Variants in MROH7 observed in about 807,000 individuals in gnomAD.
MROH7 encodes the protein maestro heat-like repeat-containing protein family member 7.
In MROH7, 113 loss-of-function variants were observed where a neutral mutation model predicts 129.2. The observed-to-expected ratio is 0.87, with a 90% CI of 0.75 to 1.02. MROH7 has a LOEUF of 1.02. Ranked by LOEUF, MROH7 falls within the 50% of genes least tolerant of loss-of-function variation. The pLI is 0.00. For synonymous variants in MROH7, 655 were observed against 667.9 expected, an observed-to-expected ratio of 0.98 and a Z score of 0.30; for missense variants, 1,601 against 1,671.3, an observed-to-expected ratio of 0.96 and a Z score of 0.73.
At position 54,653,520 on chromosome 1, in the gene MROH7, A is replaced by G. The variant is rs41297847; in HGVS notation, c.594A>G (p.Ser198=). ...VLGHCISRPS[S]KALLIPTSNS... ...GCCACTGCATCTCTAGGCCAAGCTC[A>G]AAAGCACTCCTTATTCCAACCTCAA... is the stretch of plus-strand genomic sequence containing the variant. The change falls in exon 3 of 24, where the codon TCA becomes TCG. Residue 198 remains serine (S), a synonymous_variant. Transcript: ENST00000421030. The G allele has an allele frequency of 2.2e-3, 3,573 of 1,614,156 alleles. 9 individuals carry two copies. Among genetic ancestry groups the G allele is most frequent in the Admixed American group, 2.8e-3 (170 of 60,018 alleles).
chr1:54,677,759 G>A (rs1645004714), intron 10 of MROH7, among the ~76,000 whole-genome samples: 1 of 152,208 alleles, frequency 6.6e-6, no homozygotes, highest in African/African-American at 2.4e-5. Context: ...CCTGAAATGT[G>A]CTCCCTTCAG....
Position 54,686,276 on chromosome 1 carries a change from G to A in MROH7, c.2539G>A (p.Glu847Lys), listed in dbSNP as rs775977299. The part of the protein sequence containing the change: ...VPLAAASGLC[E>K]LLSVNSCMGR... The stretch of plus-strand genomic sequence containing the variant: ...CCCATAGGCAGCCAGCGGCCTGTGC[G>A]AGCTCCTGTCCGTCAACAGCTGCAT... Residue 847 changes from glutamate (E) to lysine (K), a missense_variant, in exon 15 of 24, where the codon GAG (glutamate) becomes AAG (lysine). Coordinates refer to ENST00000421030, the MANE Select transcript of MROH7 (RefSeq NM_001039464.4). 5 of 1,613,726 alleles carry A rather than the reference G, an allele frequency of 3.1e-6. No individual in the cohort carries two copies. The highest frequency in any genetic ancestry group is 4.2e-6 in the Non-Finnish European group (5 of 1,179,868).
chr1:54,672,333 C>T (rs1215309676), intron 7 of MROH7, among the ~76,000 whole-genome samples: 1 of 151,824 alleles, frequency 6.6e-6, no homozygotes, highest in Non-Finnish European at 1.5e-5. Context: ...TGTGCAGACT[C>T]AGGGAGTCTA....
rs181962889 is a variant in MROH7, at chr1:54,692,099, G to T, written c.2712-325G>T. On this transcript the variant is annotated intron_variant, in intron 15 of 23. Transcript: ENST00000421030. ...AGTGTCCTGAGTTGGAGAAGGACTCGGCCCACATAGGAGACTGTGAGTGAG... is the reference window on the plus strand; with the variant it reads ...AGTGTCCTGAGTTGGAGAAGGACTCTGCCCACATAGGAGACTGTGAGTGAG... Among the ~76,000 whole-genome samples, 411 of 152,194 alleles carry T rather than the reference G, an allele frequency of 2.7e-3. 2 individuals carry two copies. Among genetic ancestry groups the T allele is most frequent in the Non-Finnish European group, 4.2e-3 (289 of 68,006 alleles).
intron 15 of MROH7, among the ~76,000 whole-genome samples, chr1:54,688,957 C>T (rs1645192756): frequency 6.6e-6 from 1 of 152,160 alleles, no homozygotes; most frequent in Non-Finnish European, 1.5e-5. Context: ...CACCTCACCT[C>T]AGTGTCTCAG....
chr1:54,653,278 CAG>C lies in MROH7; in HGVS notation c.353_354del (p.Gln118ArgfsTer14), dbSNP rs1319568383. ...DSKDVSRPDS[Q>X]GRLCPASNPI... ...CAAGGATGTCTCAAGGCCTGACTCACAGGGGCGCCTCTGTCCAGCCTCAAACC... is the reference window on the plus strand; with the variant it reads ...CAAGGATGTCTCAAGGCCTGACTCACGGGCGCCTCTGTCCAGCCTCAAACC... On this transcript the variant is annotated frameshift_variant, in exon 3 of 24. Transcript: ENST00000421030. LOFTEE classifies it high-confidence loss of function. The C allele has an allele frequency of 1.2e-6, 2 of 1,614,184 alleles. No individual in the cohort carries two copies. The highest frequency in any genetic ancestry group is 1.7e-6 in the Non-Finnish European group (2 of 1,180,034).
intron 5 of MROH7, 28 bp from the exon 6 acceptor site, chr1:54,670,469 A>T: frequency 1.2e-6 from 2 of 1,608,082 alleles, no homozygotes; most frequent in Non-Finnish European, 1.7e-6. Context: ...CCCTGTCCTC[A>T]TCGGCCCTTC....
chr1:54,682,325 C>T (rs1645083215), intron 13 of MROH7, among the ~76,000 whole-genome samples: 1 of 151,954 alleles, frequency 6.6e-6, no homozygotes, highest in Non-Finnish European at 1.5e-5. Context: ...CCACCATGCC[C>T]AGCTAATTTT....
In MROH7 at chr1:54,655,554, A is replaced by T. The variant is rs1569866473; in HGVS notation, c.1231+1397A>T. Reference sequence around the variant, plus strand: ...CCACACCTGAGTAATTTTATTTTTTATTTTTTGTAGAGATGGGGCCTTGCT... The same window carrying T: ...CCACACCTGAGTAATTTTATTTTTTTTTTTTTGTAGAGATGGGGCCTTGCT... On this transcript the variant is annotated intron_variant, in intron 3 of 23. Coordinates refer to ENST00000421030, the MANE Select transcript of MROH7 (RefSeq NM_001039464.4). 2.6e-5 allele frequency among the ~76,000 whole-genome samples: 4 copies of T among 150,994 alleles called. 1 individual carries two copies. The highest frequency in any genetic ancestry group is 2.6e-4 in the Admixed American group (4 of 15,128).
chr1:54,686,905 C>A (rs1239833994), intron 15 of MROH7, among the ~76,000 whole-genome samples: 1 of 152,162 alleles, frequency 6.6e-6, no homozygotes, highest in Non-Finnish European at 1.5e-5. Context: ...CATGCCCTCC[C>A]AGAGGAGGAT....
At chr1:54,706,712 C>T (rs780164596) in intron 22 of MROH7, among the ~76,000 whole-genome samples, 175 bp downstream of exon 22, 2 of 152,212 alleles carry the variant, frequency 1.3e-5, no homozygotes, top group Non-Finnish European at 2.9e-5. Flanking sequence ...ACTCTAAGAT[C>T]ATGGCTTAGG....
chr1:54,653,098 G>T lies in MROH7; in HGVS notation c.172G>T (p.Val58Phe), dbSNP rs761828972. 2.0e-5 allele frequency: 32 copies of T among 1,614,052 alleles called. No individual in the cohort carries two copies. The highest frequency in any genetic ancestry group is 2.7e-5 in the Non-Finnish European group (32 of 1,180,038). ...NLLPSPGLAL[V>F]PDLNDSLSPV... ...GCTCCCAAGTCCTGGCTTGGCTCTC[G>T]TTCCAGATCTTAATGATTCTTTGAG... Residue 58 changes from valine to phenylalanine, a missense_variant, in exon 3 of 24, where the codon GTT (valine) becomes TTT (phenylalanine). Transcript: ENST00000421030.
At position 54,673,736 on chromosome 1, in the gene MROH7, T is replaced by A. The variant is rs1174163810; in HGVS notation, c.1731T>A (p.His577Gln). Reference protein sequence around the residue: ...LGPWMNSGKAHERARAVNTNV... With the variant: ...LGPWMNSGKAQERARAVNTNV... ...CTTGGATGAACTCTGGGAAGGCCCA[T>A]GAGCGAGCACGGGCTGTGAACACCA... The change falls in exon 9 of 24, where the codon CAT becomes CAA. Residue 577 changes from histidine to glutamine, a missense_variant. By Grantham distance (24) the His-to-Gln change is conservative. Coordinates refer to ENST00000421030, the MANE Select transcript of MROH7 (RefSeq NM_001039464.4). 6.2e-7 allele frequency: 1 copy of A among 1,614,172 alleles called. No individual in the cohort carries two copies. Among genetic ancestry groups the A allele is most frequent in the Non-Finnish European group, 8.5e-7 (1 of 1,180,034 alleles).
chr1:54,669,488 A>C (rs484251), intron 5 of MROH7, among the ~76,000 whole-genome samples: 1 of 152,016 alleles, frequency 6.6e-6, no homozygotes, highest in African/African-American at 2.4e-5. Flanking sequence ...AACATCTGCT[A>C]TGTGTAGGTG....
intron 10 of MROH7, among the ~76,000 whole-genome samples, chr1:54,676,368 G>T (rs946636451): frequency 2.0e-5 from 3 of 151,970 alleles, no homozygotes; most frequent in African/African-American, 7.2e-5. Context: ...CTCCAGAGTA[G>T]CTGGGACTAC....
At chr1:54,699,130 CT>C (rs1158721724) in intron 17 of MROH7, 1 of 95,230 alleles carries the variant, frequency 1.1e-5, no homozygotes, top group East Asian at 2.8e-4. Flanking sequence ...TTCTTTCTTT[CT>C]TTCTTTCTTT....
intron 10 of MROH7, 53 bp from the exon 11 acceptor site, chr1:54,678,689 G>A (rs77812078): frequency 7.5e-7 from 1 of 1,328,718 alleles, no homozygotes; most frequent in Non-Finnish European, 1.1e-6. Flanking sequence ...CTACATGTAT[G>A]TTTAACAAAA....
intron 7 of MROH7, among the ~76,000 whole-genome samples, chr1:54,671,542 G>A (rs1644904172): frequency 6.6e-6 from 1 of 152,242 alleles, no homozygotes; most frequent in South Asian, 2.1e-4. Context: ...AATGAAGACA[G>A]ACTGGGGGAA....
intron 10 of MROH7, among the ~76,000 whole-genome samples, chr1:54,676,244 TA>T (rs1453227622): frequency 1.3e-5 from 2 of 152,170 alleles, no homozygotes; most frequent in Non-Finnish European, 2.9e-5. Context: ...CTCTTAGATT[TA>T]TTTATTTTTT....
Sources: gnomAD v4.1 joint callset for allele counts (sites outside exome capture counted in the v4.1 genomes callset) on GRCh38, gnomAD v4.1.1 for gene constraint, MANE v1.5 for transcripts, NCBI Gene and HGNC (gene_info 2026-07-23, HGNC 2026-07-21) for gene names.